The following FAAH2 variants were observed in gnomAD, a reference collection of about 807,000 sequenced individuals.
FAAH2 encodes the protein fatty-acid amide hydrolase 2.
In FAAH2, 60 loss-of-function variants were observed where a neutral mutation model predicts 36.9. That is an observed-to-expected ratio of 1.63 (90% CI 1.32 to 2.02). The LOEUF is 2.02. FAAH2 is among the 30% of genes most tolerant of loss of function. The pLI is 0.00. For synonymous variants in FAAH2, 214 were observed against 143.8 expected, an observed-to-expected ratio of 1.49 and a Z score of -3.49; for missense variants, 689 against 397.5, an observed-to-expected ratio of 1.73 and a Z score of -6.23.
the FAAH2 span, among the ~76,000 whole-genome samples, chrX:57,263,863 G>T: frequency 2.7e-5 from 3 of 111,377 alleles, no homozygotes; most frequent in Non-Finnish European, 5.7e-5. Flanking sequence ...TAGATAAATG[G>T]AACCAAACAC....
chrX:57,366,687 C>T (rs1004976622), intron 5 of FAAH2, among the ~76,000 whole-genome samples: 1 of 112,535 alleles, frequency 8.9e-6, no homozygotes, highest in African/African-American at 3.2e-5. Context: ...TCTGCAAAAA[C>T]ACTCAAACAG....
intron 7 of FAAH2, among the ~76,000 whole-genome samples, chrX:57,423,121 G>A (rs1271967209): frequency 1.8e-5 from 2 of 111,972 alleles, no homozygotes; most frequent in African/African-American, 3.2e-5. Context: ...ATGAGGAGTG[G>A]CATTGGGAAG....
intron 2 of FAAH2, among the ~76,000 whole-genome samples, chrX:57,305,105 G>A (rs1222736891): frequency 9.2e-6 from 1 of 109,065 alleles, no homozygotes; most frequent in East Asian, 2.9e-4. Context: ...GGTTCATGTA[G>A]TTATAAATAT....
chrX:57,441,459 AT>A (rs1199650423), intron 8 of FAAH2, among the ~76,000 whole-genome samples: 1 of 110,550 alleles, frequency 9.0e-6, no homozygotes, highest in East Asian at 2.8e-4. Flanking sequence ...ACCCTTTATC[AT>A]TTTTTATTGC....
chrX:57,147,910 A>G, the FAAH2 span, among the ~76,000 whole-genome samples: 4 of 111,775 alleles, frequency 3.6e-5, no homozygotes, highest in Non-Finnish European at 7.5e-5. Flanking sequence ...ATTCCACTCT[A>G]GTCTGAGAGA....
the FAAH2 span, among the ~76,000 whole-genome samples, chrX:57,249,535 G>A: frequency 8.9e-6 from 1 of 112,017 alleles, no homozygotes; most frequent in Non-Finnish European, 1.9e-5. Flanking sequence ...GTGCATGCAG[G>A]CATATAGCTT....
At chrX:57,165,944 TA>T in the FAAH2 span, among the ~76,000 whole-genome samples, 3 of 110,214 alleles carry the variant, frequency 2.7e-5, no homozygotes, top group Non-Finnish European at 3.8e-5. Context: ...CCTGTGCCTA[TA>T]AAAAATCCCA....
chrX:57,150,458 T>G, the FAAH2 span, among the ~76,000 whole-genome samples: 1 of 112,295 alleles, frequency 8.9e-6, no homozygotes, highest in African/African-American at 3.2e-5. Flanking sequence ...ATTGGGTGCA[T>G]ATGTATTTAG....
intron 10 of FAAH2, among the ~76,000 whole-genome samples, chrX:57,481,261 C>T (rs1311417025): frequency 9.0e-6 from 1 of 111,369 alleles, no homozygotes; most frequent in East Asian, 2.8e-4. Context: ...CAATCTCATT[C>T]TCTATCCAGT....
At chrX:57,438,508 C>G (rs1428651698) in intron 8 of FAAH2, among the ~76,000 whole-genome samples, 4 of 110,146 alleles carry the variant, frequency 3.6e-5, no homozygotes, top group Non-Finnish European at 7.6e-5. Flanking sequence ...CCATACTGCT[C>G]TAAGCAATCT....
At chrX:57,488,225 T>A (rs1190393488) in intron 10 of FAAH2, among the ~76,000 whole-genome samples, 4 of 111,734 alleles carry the variant, frequency 3.6e-5, no homozygotes, top group Non-Finnish European at 7.5e-5. Flanking sequence ...TTTATATAAA[T>A]TATGCTGCAA....
intron 3 of FAAH2, among the ~76,000 whole-genome samples, chrX:57,324,739 G>A (rs2053156353): frequency 8.9e-6 from 1 of 111,874 alleles, no homozygotes; most frequent in Non-Finnish European, 1.9e-5. Flanking sequence ...GGAGATTTTG[G>A]GCAGAGATGA....
intron 8 of FAAH2, among the ~76,000 whole-genome samples, chrX:57,436,950 T>C (rs1383223207): frequency 2.7e-5 from 3 of 110,827 alleles, no homozygotes; most frequent in African/African-American, 9.8e-5. Context: ...TACAGATCAG[T>C]AGTCTGAAGA....
intron 7 of FAAH2, among the ~76,000 whole-genome samples, chrX:57,382,248 A>G (rs2054872483): frequency 8.9e-6 from 1 of 111,827 alleles, no homozygotes; most frequent in African/African-American, 3.3e-5. Context: ...TGGCACTCTA[A>G]CATCACAATT....
At chrX:57,425,539 C>T (rs191383874) in intron 7 of FAAH2, among the ~76,000 whole-genome samples, 2 of 111,341 alleles carry the variant, frequency 1.8e-5, no homozygotes, top group African/African-American at 6.5e-5. Flanking sequence ...CTTTATAAGC[C>T]TGAAGAAATT....
At chrX:57,204,716 G>A in the FAAH2 span, among the ~76,000 whole-genome samples, 13 of 112,378 alleles carry the variant, frequency 1.2e-4, no homozygotes, top group Admixed American at 1.0e-3. Context: ...ACTGCTAATA[G>A]CATTTGGCCT....
intron 10 of FAAH2, among the ~76,000 whole-genome samples, chrX:57,477,945 A>G (rs1211872507): frequency 8.9e-6 from 1 of 111,856 alleles, no homozygotes; most frequent in Non-Finnish European, 1.9e-5. Context: ...GCCACAATAA[A>G]CATACATGTG....
At chrX:57,390,910 C>T (rs777758921) in intron 7 of FAAH2, among the ~76,000 whole-genome samples, 3 of 111,098 alleles carry the variant, frequency 2.7e-5, no homozygotes, top group Non-Finnish European at 5.7e-5. Flanking sequence ...ATACTGTTTT[C>T]CACAGAAATT....
At chrX:57,420,379 A>G (rs922768876) in intron 7 of FAAH2, among the ~76,000 whole-genome samples, 2 of 111,141 alleles carry the variant, frequency 1.8e-5, no homozygotes, top group African/African-American at 6.6e-5. Context: ...ATTTGTTTGT[A>G]TCCTCTTTTA....
Sources: allele counts gnomAD v4.1 joint callset (sites outside exome capture counted in the v4.1 genomes callset), GRCh38; gene constraint gnomAD v4.1.1; transcripts MANE v1.5; gene names NCBI Gene and HGNC (gene_info 2026-07-23, HGNC 2026-07-21).